EPHA3: variants seen among roughly 807,000 people sequenced by gnomAD.
EPHA3 encodes EPH receptor A3.
EPHA3 carries 42 observed loss-of-function variants against 107.1 expected under a neutral mutation model. The ratio of observed to expected loss-of-function variants is 0.39; its 90% CI spans 0.31 to 0.51. The LOEUF (loss-of-function observed/expected upper bound fraction) is 0.51. EPHA3 is among the 20% of genes least tolerant of loss of function. EPHA3 has a pLI of 0.78. For synonymous variants in EPHA3, 461 were observed against 424.8 expected (o/e 1.09, Z -1.05); for missense variants, 1,183 against 1,211.2 (o/e 0.98, Z 0.35).
chr3:89,425,142 G>A (rs1352534639), intron 11 of EPHA3, among the ~76,000 whole-genome samples: 4 of 151,064 alleles, frequency 2.6e-5, no homozygotes, highest in Non-Finnish European at 1.5e-5. Flanking sequence ...ACACAATAAT[G>A]TCTTGATTAA....
Position 89,170,957 on chromosome 3 carries a change from G to A in EPHA3, c.154-38903G>A, listed in dbSNP as rs1469550588. Among the ~76,000 whole-genome samples, 18 of 127,756 alleles carry A rather than the reference G, an allele frequency of 1.4e-4. No homozygotes were observed. In the South Asian group the frequency reaches 4.2e-3, roughly 30 times the overall value. 83.8% of individuals were successfully genotyped at this position (127,756 alleles called of 152,430 possible). A position where few individuals can be genotyped will look rare whatever the true frequency, so the allele number is the denominator to read the frequency against. On this transcript the variant is annotated intron_variant, in intron 2 of 16. Coordinates refer to ENST00000336596, the MANE Select transcript of EPHA3 (RefSeq NM_005233.6). ...TTAAAACCATTTTTTTTTTTTTTAA[G>A]AATTGAATCTGATACTTTTGCTTAG... is the stretch of plus-strand genomic sequence containing the variant.
Position 89,290,943 on chromosome 3 carries a change from A to G in EPHA3, c.815-49973A>G, listed in dbSNP as rs111262287. On this transcript the variant is annotated intron_variant, in intron 3 of 16. Coordinates refer to ENST00000336596, the MANE Select transcript of EPHA3 (RefSeq NM_005233.6). ...GACAGATTTATTTAAGAAAAGAACAATGAATACCAAGGGTATATTGAGTTG... is the reference window on the plus strand; with the variant it reads ...GACAGATTTATTTAAGAAAAGAACAGTGAATACCAAGGGTATATTGAGTTG... Among the ~76,000 whole-genome samples the G allele has an allele frequency of 6.7e-3, 1,015 of 152,254 alleles. 9 individuals carry two copies. The highest frequency in any genetic ancestry group is 0.023 in the African/African-American group (966 of 41,552).
chr3:89,286,103 G>C (rs1706075326), intron 3 of EPHA3, among the ~76,000 whole-genome samples: 2 of 148,394 alleles, frequency 1.3e-5, no homozygotes, highest in South Asian at 4.3e-4. Context: ...CTTTAAACTA[G>C]GAGGATCAAT....
Position 89,357,227 on chromosome 3 carries a change from T to C in EPHA3, c.1306+15137T>C, listed in dbSNP as rs185532082. Among the ~76,000 whole-genome samples, 18 of 149,058 alleles carry C rather than the reference T, an allele frequency of 1.2e-4. 1 individual carries two copies. In the East Asian group the frequency reaches 2.6e-3, roughly 21 times the overall value. On this transcript the variant is annotated intron_variant, in intron 5 of 16. Transcript: ENST00000336596. ...GTGGCAACAAATGTTCTAATAATCA[T>C]TCTGGATAAAGAGTTAGAAGAATAC... is the stretch of plus-strand genomic sequence containing the variant.
chr3:89,307,593 G>T (rs1485557993), intron 3 of EPHA3, among the ~76,000 whole-genome samples: 3 of 152,054 alleles, frequency 2.0e-5, no homozygotes, highest in African/African-American at 7.2e-5. Flanking sequence ...TTGAGACAAG[G>T]TCTCTGCTGC....
intron 3 of EPHA3, among the ~76,000 whole-genome samples, chr3:89,230,651 T>C (rs1704606520): frequency 6.6e-6 from 1 of 152,146 alleles, no homozygotes; most frequent in Non-Finnish European, 1.5e-5. Context: ...TTTCGGGCAG[T>C]ATCAGGGAAA....
At chr3:89,457,268 A>C (rs1391569138) in intron 15 of EPHA3, among the ~76,000 whole-genome samples, 1 of 152,188 alleles carries the variant, frequency 6.6e-6, no homozygotes, top group Admixed American at 6.5e-5. Flanking sequence ...TATGGGGAAA[A>C]AGCCTGATAG....
At chr3:89,408,875 T>G (rs1193901429) in intron 9 of EPHA3, among the ~76,000 whole-genome samples, 1 of 152,090 alleles carries the variant, frequency 6.6e-6, no homozygotes, top group Non-Finnish European at 1.5e-5. Flanking sequence ...TGCTCCAAAA[T>G]AATCTCAATA....
At chr3:89,137,189 G>C (rs141128951) in intron 2 of EPHA3, among the ~76,000 whole-genome samples, 1 of 151,816 alleles carries the variant, frequency 6.6e-6, no homozygotes, top group African/African-American at 2.4e-5. Context: ...TTTATAAAGA[G>C]TATATTCAGA....
At chr3:89,395,732 T>C (rs139320290) in intron 5 of EPHA3, 105 bp from the exon 6 acceptor site, 19,956 of 1,355,086 alleles carry the variant, frequency 0.015, 279 homozygotes, top group Non-Finnish European at 0.015. Flanking sequence ...GGAACAATGA[T>C]AGACTCCATT....
intron 9 of EPHA3, among the ~76,000 whole-genome samples, chr3:89,409,913 G>A (rs1463419157): frequency 1.3e-5 from 2 of 152,052 alleles, no homozygotes; most frequent in African/African-American, 4.8e-5. Flanking sequence ...AAATGGAAAT[G>A]TAAATTATTG....
chr3:89,243,717 T>G (rs1250378535), intron 3 of EPHA3, among the ~76,000 whole-genome samples: 1 of 152,204 alleles, frequency 6.6e-6, no homozygotes, highest in Non-Finnish European at 1.5e-5. Context: ...GGTTGCGTGT[T>G]CACTCTGAGA....
chr3:89,323,254 G>A (rs1707084477), intron 3 of EPHA3, among the ~76,000 whole-genome samples: 1 of 152,128 alleles, frequency 6.6e-6, no homozygotes, highest in East Asian at 1.9e-4. Context: ...ATGCTAATGT[G>A]TATTAGAGAA....
chr3:89,243,667 G>A (rs1316535812), intron 3 of EPHA3, among the ~76,000 whole-genome samples: 1 of 152,086 alleles, frequency 6.6e-6, no homozygotes, highest in Non-Finnish European at 1.5e-5. Flanking sequence ...GTAGCCCTTC[G>A]TCAGATGAGT....
chr3:89,296,737 TCTC>T (rs1176374693), intron 3 of EPHA3, among the ~76,000 whole-genome samples: 1 of 152,194 alleles, frequency 6.6e-6, no homozygotes, highest in Non-Finnish European at 1.5e-5. Context: ...GGTATTGACT[TCTC>T]CTCTTTAGCT....
chr3:89,312,249 T>C (rs1706780633), intron 3 of EPHA3, among the ~76,000 whole-genome samples: 1 of 151,998 alleles, frequency 6.6e-6, no homozygotes, highest in South Asian at 2.1e-4. Flanking sequence ...ATAATAATGT[T>C]TGTCTTTGAT....
Position 89,418,978 on chromosome 3 carries a change from G to A in EPHA3, c.1889-227G>A, listed in dbSNP as rs1230584302. 1.3e-5 allele frequency among the ~76,000 whole-genome samples: 2 copies of A among 151,262 alleles called. 1 individual carries two copies. The highest frequency in any genetic ancestry group is 3.9e-4 in the East Asian group (2 of 5,138). ...ATAGTGTCGTACTTTAAAGTATATG[G>A]AATTTTCACAAGGTTCATTTTCCAA... On this transcript the variant is annotated intron_variant, in intron 10 of 16. Transcript: ENST00000336596.
At chr3:89,401,769 G>C (rs1172203380) in intron 7 of EPHA3, among the ~76,000 whole-genome samples, 1 of 151,936 alleles carries the variant, frequency 6.6e-6, no homozygotes, top group African/African-American at 2.4e-5. Flanking sequence ...GCCCACGTCT[G>C]GCTAATTTTT....
In EPHA3 at chr3:89,283,529, A is replaced by G. The variant is rs1186197623; in HGVS notation, c.815-57387A>G. The stretch of plus-strand genomic sequence containing the variant: ...AAACAACCAATTCTAAAATGCGACA[A>G]CTCTTTTAATCTCAATATGCATTTC... On this transcript the variant is annotated intron_variant, in intron 3 of 16. Transcript: ENST00000336596. Among the ~76,000 whole-genome samples, 5 of 152,020 alleles carry G rather than the reference A, an allele frequency of 3.3e-5. No homozygotes were observed. In the East Asian group the frequency reaches 9.6e-4, roughly 29 times the overall value.
Sources: allele counts gnomAD v4.1 joint callset (sites outside exome capture counted in the v4.1 genomes callset), GRCh38; gene constraint gnomAD v4.1.1; transcripts MANE v1.5; gene names NCBI Gene and HGNC (gene_info 2026-07-23, HGNC 2026-07-21).